UBE2E2: variants seen among roughly 807,000 people sequenced by gnomAD.
UBE2E2 encodes the protein ubiquitin-conjugating enzyme E2 E2.
Under a neutral mutation model 24.7 loss-of-function variants are expected in UBE2E2, and 6 were observed. That is an observed-to-expected ratio of 0.24 (90% confidence interval 0.13 to 0.48). The LOEUF (loss-of-function observed/expected upper bound fraction) is 0.48. Among genes scored for constraint, UBE2E2 ranks in the 20% least tolerant of loss-of-function variants. The probability of loss-of-function intolerance (pLI) is 0.99; values close to 1 mark genes in which losing one functional copy is unlikely to be tolerated. For synonymous variants in UBE2E2, 104 were observed against 83.6 expected, an observed-to-expected ratio of 1.24 and a Z score of -1.33; for missense variants, 169 against 245.0, an observed-to-expected ratio of 0.69 and a Z score of 2.07.
chr3:23,488,141 A>G (rs374449481), intron 3 of UBE2E2, among the ~76,000 whole-genome samples: 1 of 152,114 alleles, frequency 6.6e-6, no homozygotes, highest in African/African-American at 2.4e-5. Flanking sequence ...TCTTGTAGAT[A>G]TTTAACCTAC....
At position 23,565,946 on chromosome 3, in the gene UBE2E2, A is replaced by T. The variant is rs532745930; in HGVS notation, c.509-23788A>T. ...AGACCAGAATGACAATGTAGACTAA[A>T]TTGTTGTCCAGAGTTGTCATTCATT... On this transcript the variant is annotated intron_variant, in intron 5 of 5. Coordinates refer to ENST00000396703, the MANE Select transcript of UBE2E2 (RefSeq NM_152653.4). Among the ~76,000 whole-genome samples the T allele has an allele frequency of 8.5e-5, 13 of 152,254 alleles. No individual in the cohort carries two copies. In the South Asian group the frequency reaches 2.5e-3, roughly 29 times the overall value.
At chr3:23,285,814 A>T (rs879603555) in intron 3 of UBE2E2, among the ~76,000 whole-genome samples, 1 of 151,890 alleles carries the variant, frequency 6.6e-6, no homozygotes, top group Non-Finnish European at 1.5e-5. Context: ...TTTCTCAGCC[A>T]CTCGAATAGC....
intron 3 of UBE2E2, among the ~76,000 whole-genome samples, chr3:23,268,911 C>T (rs369859598): frequency 6.6e-6 from 1 of 151,942 alleles, no homozygotes; most frequent in South Asian, 2.1e-4. Flanking sequence ...TATCTACAAC[C>T]ATCTGATCTT....
intron 5 of UBE2E2, among the ~76,000 whole-genome samples, chr3:23,537,707 A>G (rs908911758): frequency 6.6e-6 from 1 of 152,142 alleles, no homozygotes; most frequent in African/African-American, 2.4e-5. Flanking sequence ...AGCAATGAAA[A>G]CAATTCTTAT....
chr3:23,217,419 A>AT, intron 3 of UBE2E2, 107 bp downstream of exon 3: 1 of 1,024,634 alleles, frequency 9.8e-7, no homozygotes, highest in Non-Finnish European at 1.5e-6. Flanking sequence ...TAGTAAAAAC[A>AT]TCATTGTTGT....
intron 3 of UBE2E2, among the ~76,000 whole-genome samples, chr3:23,319,622 G>C (rs928271617): frequency 1.3e-5 from 2 of 151,836 alleles, no homozygotes; most frequent in Non-Finnish European, 2.9e-5. Context: ...AGACCAGCCT[G>C]ACCAACATTG....
chr3:23,217,367 A>G, intron 3 of UBE2E2, 55 bp downstream of exon 3: 1 of 1,527,804 alleles, frequency 6.5e-7, no homozygotes, highest in Non-Finnish European at 9.1e-7. Flanking sequence ...GTGCATTTGA[A>G]CTGTTGGTTT....
intron 3 of UBE2E2, among the ~76,000 whole-genome samples, chr3:23,452,681 G>A (rs1278186252): frequency 2.0e-5 from 3 of 152,164 alleles, no homozygotes; most frequent in South Asian, 4.1e-4. Context: ...GTTGGTCAAA[G>A]ATGAGAACAA....
At chr3:23,206,299 T>C (rs926917605) in intron 1 of UBE2E2, among the ~76,000 whole-genome samples, 1 of 151,346 alleles carries the variant, frequency 6.6e-6, no homozygotes, top group African/African-American at 2.4e-5. Context: ...TGAAAGAAGG[T>C]GAAAAAAAAT....
chr3:23,351,707 A>C (rs1202482882), intron 3 of UBE2E2, among the ~76,000 whole-genome samples: 2 of 152,192 alleles, frequency 1.3e-5, no homozygotes, highest in Non-Finnish European at 2.9e-5. Flanking sequence ...ATATGCACCC[A>C]ATACAGGAGC....
intron 3 of UBE2E2, among the ~76,000 whole-genome samples, chr3:23,298,870 C>T (rs1384254502): frequency 1.3e-5 from 2 of 152,108 alleles, no homozygotes; most frequent in Non-Finnish European, 2.9e-5. Flanking sequence ...ATGGTACTAG[C>T]TCGTCTTTGT....
rs531468384 is a variant in UBE2E2 at position 23,329,878 on chromosome 3, A to T, written c.227+112566A>T. Among the ~76,000 whole-genome samples, 213 of 152,332 alleles carry T rather than the reference A, an allele frequency of 1.4e-3. 2 individuals carry two copies. Among genetic ancestry groups the T allele is most frequent in the African/African-American group, 4.9e-3 (204 of 41,568 alleles). ...TTTAAAATATTTTAGTGATCTTAAA[A>T]CTTGACCACTCTGGAAGAATGGAGA... On this transcript the variant is annotated intron_variant, in intron 3 of 5. Coordinates refer to ENST00000396703, the MANE Select transcript of UBE2E2 (RefSeq NM_152653.4).
At chr3:23,423,420 T>C (rs2125393414) in intron 3 of UBE2E2, among the ~76,000 whole-genome samples, 1 of 152,348 alleles carries the variant, frequency 6.6e-6, no homozygotes, top group East Asian at 1.9e-4. Flanking sequence ...CATTTTTCTT[T>C]ACTCAGTATA....
At chr3:23,423,615 A>C (rs1697854711) in intron 3 of UBE2E2, among the ~76,000 whole-genome samples, 1 of 152,188 alleles carries the variant, frequency 6.6e-6, no homozygotes, top group African/African-American at 2.4e-5. Context: ...CTAATGCCAT[A>C]ATCTATATAA....
chr3:23,299,811 A>G (rs1325050567), intron 3 of UBE2E2, among the ~76,000 whole-genome samples: 3 of 152,166 alleles, frequency 2.0e-5, no homozygotes, highest in Admixed American at 6.5e-5. Context: ...CACTTGGTGC[A>G]GAGCTGAGTT....
At chr3:23,528,993 A>C (rs1350654722) in intron 4 of UBE2E2, among the ~76,000 whole-genome samples, 1 of 152,208 alleles carries the variant, frequency 6.6e-6, no homozygotes, top group African/African-American at 2.4e-5. Context: ...TGACACGTGC[A>C]ACAGCTTGGA....
chr3:23,568,108 A>G (rs1696119592), intron 5 of UBE2E2, among the ~76,000 whole-genome samples: 1 of 152,204 alleles, frequency 6.6e-6, no homozygotes, highest in South Asian at 2.1e-4. Flanking sequence ...TTCCACAGTC[A>G]AAGGCAGGCA....
Position 23,590,506 on chromosome 3 carries a change from C to CT in UBE2E2, c.*679dup. ...TTGTAAATTTCTTAGGGACCTGCCA[C>CT]TTTTGACTGTGGATCAGTTGATGTA... is the stretch of plus-strand genomic sequence containing the variant. On this transcript the variant is annotated 3_prime_UTR_variant, in exon 6 of 6. Coordinates refer to ENST00000396703, the MANE Select transcript of UBE2E2 (RefSeq NM_152653.4). The CT allele has an allele frequency of 6.5e-6, 1 of 152,712 alleles. No homozygotes were observed. The highest frequency in any genetic ancestry group is 2.1e-4 in the South Asian group (1 of 4,822). 9.5% of individuals were successfully genotyped at this position (152,712 alleles called of 1,614,324 possible). A position where few individuals can be genotyped will look rare whatever the true frequency, so the allele number is the denominator to read the frequency against.
chr3:23,565,446 T>A, intron 5 of UBE2E2, among the ~76,000 whole-genome samples: 2 of 69,630 alleles, frequency 2.9e-5, no homozygotes, highest in East Asian at 1.6e-3. Flanking sequence ...AGGCATGGCT[T>A]TTTTTTTTTT....
Sources: allele counts gnomAD v4.1 joint callset (sites outside exome capture counted in the v4.1 genomes callset), GRCh38; gene constraint gnomAD v4.1.1; transcripts MANE v1.5; gene names NCBI Gene and HGNC (gene_info 2026-07-23, HGNC 2026-07-21).